Variants in PPM1A observed in about 807,000 individuals in gnomAD.
The protein encoded by PPM1A is protein phosphatase 1A.
A neutral mutation model predicts 35.0 loss-of-function variants in PPM1A; 7 were observed. That is an observed-to-expected ratio of 0.20 (90% CI 0.11 to 0.38). PPM1A has a LOEUF of 0.38. Among genes scored for constraint, PPM1A ranks in the 10% least tolerant of loss-of-function variants. PPM1A has a pLI of 1.00. For missense variants in PPM1A, 239 were observed against 467.8 expected (o/e 0.51, Z 4.51); for synonymous variants, 153 against 167.3 (o/e 0.91, Z 0.66).
intron 3 of PPM1A, 151 bp downstream of exon 3, chr14:60,285,892 T>C (rs1886956424): frequency 4.2e-6 from 6 of 1,420,130 alleles, no homozygotes; most frequent in Non-Finnish European, 5.5e-6. Flanking sequence ...GTAGTAGCTG[T>C]TAAGATGTAT....
At chr14:60,246,315 C>A (rs977656198), upstream of PPM1A, among the ~76,000 whole-genome samples, 2 of 151,994 alleles carry the variant, frequency 1.3e-5, no homozygotes, top group Non-Finnish European at 2.9e-5. Context: ...TATTGCTGAT[C>A]AGATTAAGCT....
Position 60,283,634 on chromosome 14 carries a change from G to A in PPM1A, c.834+97G>A, listed in dbSNP as rs1216533694. On this transcript the variant is annotated intron_variant, in intron 2 of 5. Coordinates refer to ENST00000395076, the MANE Select transcript of PPM1A (RefSeq NM_021003.5). The surrounding 1 kb of genome is among the most constrained non-coding windows in gnomAD (Gnocchi z 6.3). ...CTTAGAATCTGTAATTCTGAAACCA[G>A]TTTTTGGCACAACTGTAGGATACTG... is the stretch of plus-strand genomic sequence containing the variant. The A allele has an allele frequency of 7.8e-7, 1 of 1,278,656 alleles. No homozygotes were observed. Among genetic ancestry groups the A allele is most frequent in the Non-Finnish European group, 1.1e-6 (1 of 938,504 alleles). The allele number at this position is 1,278,656 out of a possible 1,614,324, so 79.2% of individuals were successfully genotyped here.
intron 1 of PPM1A, among the ~76,000 whole-genome samples, chr14:60,251,501 ATC>A (rs1882411316): frequency 6.6e-6 from 1 of 152,232 alleles, no homozygotes; most frequent in Admixed American, 6.5e-5. Flanking sequence ...GCTCCAAAAT[ATC>A]TGTGTCCATG....
At chr14:60,260,659 C>T (rs986287509) in intron 1 of PPM1A, among the ~76,000 whole-genome samples, 1 of 152,098 alleles carries the variant, frequency 6.6e-6, no homozygotes, top group Admixed American at 6.5e-5. Context: ...CCAAAAGATA[C>T]CCTGTACTCA....
At position 60,282,612 on chromosome 14, in the gene PPM1A, T is replaced by C. The variant is rs1175259798; in HGVS notation, c.-20-72T>C. The C allele has an allele frequency of 6.6e-6, 10 of 1,521,922 alleles. No homozygotes were observed. The Middle Eastern group carries it at 5.5e-4, about 84-fold the overall frequency. The allele number at this position is 1,521,922 out of a possible 1,614,324, so 94.3% of individuals were successfully genotyped here. ...AATTCCCGCATATCTCTTTCACTTA[T>C]TAAAAAGATTGTTTGGTACATATTT... On this transcript the variant is annotated intron_variant, in intron 1 of 5. Coordinates refer to ENST00000395076, the MANE Select transcript of PPM1A (RefSeq NM_021003.5). This position sits in a 1 kb window ranked among gnomAD's most constrained non-coding sequence, Gnocchi z 5.1.
intron 1 of PPM1A, among the ~76,000 whole-genome samples, chr14:60,261,243 A>C (rs190842416): frequency 6.6e-6 from 1 of 152,206 alleles, no homozygotes; most frequent in African/African-American, 2.4e-5. Flanking sequence ...AGGATTAGAA[A>C]GAGACATTAA....
chr14:60,257,257 G>A (rs764512622), intron 1 of PPM1A, among the ~76,000 whole-genome samples: 1 of 152,130 alleles, frequency 6.6e-6, no homozygotes, highest in East Asian at 1.9e-4. Context: ...AGCTAGCTGA[G>A]TTTACAATAG....
chr14:60,285,597 A>G, intron 2 of PPM1A, 27 bp from the exon 3 acceptor site: 2 of 1,610,026 alleles, frequency 1.2e-6, no homozygotes, highest in African/African-American at 2.7e-5. Context: ...AGAAAACTAA[A>G]ATATTCTCAA....
At chr14:60,284,363 C>T (rs1161782207) in intron 2 of PPM1A, among the ~76,000 whole-genome samples, 3 of 152,132 alleles carry the variant, frequency 2.0e-5, no homozygotes, top group Admixed American at 6.5e-5. Flanking sequence ...AGACTGTTGC[C>T]GGGCGCGGTG....
rs149508071 is a variant in PPM1A, at chr14:60,282,145, G to A, written c.-20-539G>A. Among the ~76,000 whole-genome samples the A allele has an allele frequency of 6.6e-6, 1 of 152,296 alleles. No individual in the cohort carries two copies. The highest frequency in any genetic ancestry group is 2.4e-5 in the African/African-American group (1 of 41,552). ...AGTTAAGGAAACTGACATGAGCAAA[G>A]GCTTGAAGGAGCATGCAAATTTGGA... is the stretch of plus-strand genomic sequence containing the variant. On this transcript the variant is annotated intron_variant, in intron 1 of 5. Transcript: ENST00000395076. The surrounding 1 kb of genome is among the most constrained non-coding windows in gnomAD (Gnocchi z 5.1).
chr14:60,255,824 G>C (rs1315991218), intron 1 of PPM1A, among the ~76,000 whole-genome samples: 2 of 152,188 alleles, frequency 1.3e-5, no homozygotes, highest in African/African-American at 4.8e-5. Context: ...GACTGATCCT[G>C]GACCTACAAG....
chr14:60,262,029 T>G (rs1398188033), intron 1 of PPM1A, among the ~76,000 whole-genome samples: 1 of 152,200 alleles, frequency 6.6e-6, no homozygotes, highest in East Asian at 1.9e-4. Context: ...CTACAATATC[T>G]TATACTTAAT....
rs551539988 is a variant in PPM1A at position 60,289,269 on chromosome 14, G to T, written c.953-537G>T. Among the ~76,000 whole-genome samples, 1 of 152,032 alleles carries T rather than the reference G, an allele frequency of 6.6e-6. No homozygotes were observed. The highest frequency in any genetic ancestry group is 1.5e-5 in the Non-Finnish European group (1 of 67,972). ...ATTAAACTGAGACAGTGATGTTCAAGTACATAATCTGTGCATGCTATTTAA... is the reference window on the plus strand; with the variant it reads ...ATTAAACTGAGACAGTGATGTTCAATTACATAATCTGTGCATGCTATTTAA... On this transcript the variant is annotated intron_variant, in intron 3 of 5. Coordinates refer to ENST00000395076, the MANE Select transcript of PPM1A (RefSeq NM_021003.5). This position sits in a 1 kb window ranked among gnomAD's most constrained non-coding sequence, Gnocchi z 4.1.
In PPM1A at chr14:60,249,357, A is replaced by AG. The variant is rs1212849903; in HGVS notation, c.-333dup. Reference sequence around the variant, plus strand: ...GTTGCTCCGGAACGGGTGGTTGGGGAGGGGGGGGTGGGGGGACTCTAGACA... The same window carrying AG: ...GTTGCTCCGGAACGGGTGGTTGGGGAGGGGGGGGGTGGGGGGACTCTAGACA... On this transcript the variant is annotated 5_prime_UTR_variant, in exon 1 of 6. Coordinates refer to ENST00000395076, the MANE Select transcript of PPM1A (RefSeq NM_021003.5). This position sits in a 1 kb window ranked among gnomAD's most constrained non-coding sequence, Gnocchi z 4.5. 1,188 of 207,146 alleles carry AG rather than the reference A, an allele frequency of 5.7e-3. No individual in the cohort carries two copies. In the East Asian group the frequency reaches 0.06, roughly 10 times the overall value. The allele number at this position is 207,146 out of a possible 1,614,324, so 12.8% of individuals were successfully genotyped here.
chr14:60,266,873 G>A (rs890179409), intron 1 of PPM1A, among the ~76,000 whole-genome samples: 1 of 152,076 alleles, frequency 6.6e-6, no homozygotes, highest in Non-Finnish European at 1.5e-5. Context: ...TAAATAAAGG[G>A]AGGATAACCA....
chr14:60,277,522 TA>T, intron 1 of PPM1A, among the ~76,000 whole-genome samples: 1 of 152,174 alleles, frequency 6.6e-6, no homozygotes, highest in South Asian at 2.1e-4. Flanking sequence ...CTAATTTATA[TA>T]CTATAATAAT....
Position 60,292,711 on chromosome 14 carries a change from T to C in PPM1A, c.*229T>C. 2.6e-6 allele frequency: 1 copy of C among 383,064 alleles called. No individual in the cohort carries two copies. 23.7% of individuals were successfully genotyped at this position (383,064 alleles called of 1,614,324 possible). ...AAGCGTGATTTCAAACCATAATTCG[T>C]GTTGTAAATCAGACTCCAGCAATTT... On this transcript the variant is annotated 3_prime_UTR_variant, in exon 6 of 6. Transcript: ENST00000395076. This position sits in a 1 kb window ranked among gnomAD's most constrained non-coding sequence, Gnocchi z 4.2.
chr14:60,283,040 A>G lies in PPM1A; in HGVS notation c.337A>G (p.Arg113Gly), dbSNP rs1463050158. Residue 113 changes from arginine to glycine, a missense_variant, in exon 2 of 6, where the codon AGA becomes GGA. Coordinates refer to ENST00000395076, the MANE Select transcript of PPM1A (RefSeq NM_021003.5). The surrounding 1 kb of genome is among the most constrained non-coding windows in gnomAD (Gnocchi z 6.3). ...TTTTCTGGAGATTGATGAACACATG[A>G]GAGTTATGTCAGAGAAGAAACATGG... ...TGFLEIDEHM[R>G]VMSEKKHGAD... 6.2e-7 allele frequency: 1 copy of G among 1,614,248 alleles called. No individual in the cohort carries two copies.
At chr14:60,288,243 T>TAGG in intron 3 of PPM1A, 1 of 966,824 alleles carries the variant, frequency 1.0e-6, no homozygotes, top group Non-Finnish European at 1.2e-6. Flanking sequence ...TATCCTAATT[T>TAGG]ATATTTTAAC....
Sources: allele counts gnomAD v4.1 joint callset (sites outside exome capture counted in the v4.1 genomes callset), GRCh38; gene constraint gnomAD v4.1.1; non-coding constraint Gnocchi (gnomAD v3.1); transcripts MANE v1.5; gene names NCBI Gene and HGNC (gene_info 2026-07-23, HGNC 2026-07-21).